The following HK1 variants were observed in gnomAD, a reference collection of about 807,000 sequenced individuals.
HK1 encodes the protein hexokinase-1.
HK1 carries 28 observed loss-of-function variants against 91.6 expected under a neutral mutation model. The observed-to-expected ratio is 0.31, with a 90% CI of 0.23 to 0.42. The LOEUF is 0.42. Among genes scored for constraint, HK1 ranks in the 10% least tolerant of loss-of-function variants. The probability of loss-of-function intolerance (pLI) is 1.00; values close to 1 mark genes in which losing one functional copy is unlikely to be tolerated. For synonymous variants in HK1, 430 were observed against 468.1 expected, an observed-to-expected ratio of 0.92 and a Z score of 1.05; for missense variants, 770 against 1,219.8, an observed-to-expected ratio of 0.63 and a Z score of 5.49.
Position 69,369,139 on chromosome 10 carries a change from G to T in HK1, c.592-98G>T, listed in dbSNP as rs1056128608. 3.2e-5 allele frequency: 27 copies of T among 842,468 alleles called. No individual in the cohort carries two copies. In the South Asian group the frequency reaches 3.8e-4, roughly 12 times the overall value. 52.2% of individuals were successfully genotyped at this position (842,468 alleles called of 1,614,324 possible). ...ACCAGTACCACTCACAAAAGCAGGG[G>T]TTCTGAAAACGGGAGCACTTCTGCC... On this transcript the variant is annotated intron_variant, in intron 5 of 17. Transcript: ENST00000359426. The surrounding 1 kb of genome is among the most constrained non-coding windows in gnomAD (Gnocchi z 4.4).
rs1034712893 is a variant in HK1, at chr10:69,300,943, A to C, written c.27+82A>C. 18 of 781,908 alleles carry C rather than the reference A, an allele frequency of 2.3e-5. No homozygotes were observed. The African/African-American group carries it at 2.8e-4, about 12-fold the overall frequency. The allele number at this position is 781,908 out of a possible 1,614,324, so 48.4% of individuals were successfully genotyped here. A position where few individuals can be genotyped will look rare whatever the true frequency, so the allele number is the denominator to read the frequency against. ...CAGCAAGGTTATAGGATACAAGGTT[A>C]ATATACATAAATCAATTGTAGCCAG... On this transcript the variant is annotated intron_variant, in intron 5 of 21. Coordinates refer to the HK1 transcript ENST00000360289.
intron 1 of HK1, among the ~76,000 whole-genome samples, chr10:69,329,659 T>C (rs1564516861): frequency 6.6e-6 from 1 of 152,190 alleles, no homozygotes; most frequent in African/African-American, 2.4e-5. Flanking sequence ...GCTGGTCCCC[T>C]GATTCAGAAA....
At chr10:69,370,405 A>G (rs1385675410) in intron 7 of HK1, among the ~76,000 whole-genome samples, 1 of 152,200 alleles carries the variant, frequency 6.6e-6, no homozygotes, top group African/African-American at 2.4e-5. Context: ...TGCTTCCCCA[A>G]CAAAGCACAG....
rs1839303398 is a variant in HK1, at chr10:69,379,937, C to G, written c.1107C>G (p.Val369=). 2.5e-6 allele frequency: 4 copies of G among 1,614,104 alleles called. No individual in the cohort carries two copies. Among genetic ancestry groups the G allele is most frequent in the Non-Finnish European group, 3.4e-6 (4 of 1,180,032 alleles). ...TGGAGCCGTCCGATGATGACTGTGT[C>G]TCAGTCCAGCACGTTTGCACCATTG... is the stretch of plus-strand genomic sequence containing the variant. ...LGVEPSDDDC[V]SVQHVCTIVS... is the part of the protein sequence containing the mutation. The change falls in exon 9 of 18, where the codon GTC becomes GTG. Residue 369 remains valine (V), a synonymous_variant. Transcript: ENST00000359426.
intron 4 of HK1, among the ~76,000 whole-genome samples, chr10:69,299,291 T>A (rs1845725982): frequency 6.6e-6 from 1 of 151,538 alleles, no homozygotes; most frequent in African/African-American, 2.4e-5. Context: ...TCCCACCTGG[T>A]CTCCCAAGTA....
chr10:69,360,157 G>A, intron 3 of HK1, 112 bp downstream of exon 3: 1 of 1,057,858 alleles, frequency 9.5e-7, no homozygotes, highest in Non-Finnish European at 1.4e-6. Context: ...AGGGTTGCTG[G>A]AAAGAGTCCC....
At chr10:69,307,315 A>G (rs1413776428) in intron 5 of HK1, among the ~76,000 whole-genome samples, 1 of 151,862 alleles carries the variant, frequency 6.6e-6, no homozygotes, top group Non-Finnish European at 1.5e-5. Flanking sequence ...TCCATAACCC[A>G]CTTATAGCCC....
upstream of HK1, among the ~76,000 whole-genome samples, chr10:69,312,108 C>T (rs906226581): frequency 6.6e-6 from 1 of 152,296 alleles, no homozygotes; most frequent in South Asian, 2.1e-4. Flanking sequence ...ACTTCCGCTT[C>T]CCCCTCCGTG....
intron 2 of HK1, among the ~76,000 whole-genome samples, chr10:69,355,487 G>A (rs2132738456): frequency 6.6e-6 from 1 of 152,256 alleles, no homozygotes; most frequent in Non-Finnish European, 1.5e-5. Flanking sequence ...AGAATAGAGA[G>A]TTCAGAAATA....
chr10:69,304,492 G>T (rs1846020101), intron 5 of HK1, among the ~76,000 whole-genome samples: 1 of 152,060 alleles, frequency 6.6e-6, no homozygotes. Flanking sequence ...ATTTTTAGTA[G>T]AAGCAGCGTT....
chr10:69,341,733 G>C (rs746356317), intron 1 of HK1, among the ~76,000 whole-genome samples: 42 of 152,076 alleles, frequency 2.8e-4, no homozygotes, highest in Non-Finnish European at 5.7e-4. Flanking sequence ...TAGAATTACA[G>C]GTGTCAGCCA....
intron 1 of HK1, 104 bp downstream of exon 1, chr10:69,319,114 G>C: frequency 7.3e-7 from 1 of 1,360,740 alleles, no homozygotes; most frequent in Non-Finnish European, 1.0e-6. Context: ...GGCCTTCTCC[G>C]GGCCAGCATC....
chr10:69,281,945 CTCCACGCATTTTAAAA>C (rs1844775253), intron 1 of HK1, among the ~76,000 whole-genome samples: 3 of 152,174 alleles, frequency 2.0e-5, no homozygotes, highest in Admixed American at 2.0e-4. Context: ...CATTTCATCT[CTCCACGCATTTTAAAA>C]TCCTAGTTGT....
intron 3 of HK1, among the ~76,000 whole-genome samples, chr10:69,293,112 T>C (rs1464495739): frequency 6.6e-6 from 1 of 152,212 alleles, no homozygotes; most frequent in East Asian, 1.9e-4. Flanking sequence ...CTTGAGCCCA[T>C]TACCAAGCAT....
At chr10:69,355,457 G>A (rs545916676) in intron 2 of HK1, among the ~76,000 whole-genome samples, 1 of 152,286 alleles carries the variant, frequency 6.6e-6, no homozygotes, top group South Asian at 2.1e-4. Flanking sequence ...CATGAAGGTA[G>A]ACATGCAGAC....
At chr10:69,317,328 GATTCAAGATGCCCC>G (rs1846701202), upstream of HK1, among the ~76,000 whole-genome samples, 1 of 152,180 alleles carries the variant, frequency 6.6e-6, no homozygotes, top group Non-Finnish European at 1.5e-5. Flanking sequence ...TCTCAGAGGT[GATTCAAGATGCCCC>G]TCTGCATAGG....
chr10:69,399,456 G>A (rs1282636985), intron 17 of HK1, among the ~76,000 whole-genome samples: 2 of 152,140 alleles, frequency 1.3e-5, no homozygotes, highest in Non-Finnish European at 2.9e-5. Context: ...AGGTTGCAGT[G>A]AGCCCAGATC....
chr10:69,290,554 T>A (rs1810023), intron 3 of HK1, among the ~76,000 whole-genome samples: 150,262 of 152,280 alleles, frequency 0.99, 74,178 homozygotes, highest in Non-Finnish European at 1. Flanking sequence ...GCTGGAATGC[T>A]ATGGTGCAAT....
intron 17 of HK1, among the ~76,000 whole-genome samples, chr10:69,399,183 G>A (rs1249478535): frequency 1.3e-5 from 2 of 152,186 alleles, no homozygotes. Flanking sequence ...AGCCAGGCCA[G>A]AGGCTCTGTT....
Sources: allele counts gnomAD v4.1 joint callset (sites outside exome capture counted in the v4.1 genomes callset), GRCh38; gene constraint gnomAD v4.1.1; non-coding constraint Gnocchi (gnomAD v3.1); transcripts MANE v1.5; gene names NCBI Gene and HGNC (gene_info 2026-07-23, HGNC 2026-07-21).